The following RRP12 variants were observed in gnomAD, a reference collection of about 807,000 sequenced individuals.
The protein encoded by RRP12 is ribosomal RNA processing 12 homolog.
Under a neutral mutation model 157.3 loss-of-function variants are expected in RRP12, and 78 were observed. The observed-to-expected ratio is 0.50, with a 90% CI of 0.41 to 0.60. The LOEUF is 0.60. Ranked by LOEUF, RRP12 falls within the 20% of genes least tolerant of loss-of-function variation. The pLI is 0.00. For missense variants in RRP12, 1,521 were observed against 1,679.9 expected, an observed-to-expected ratio of 0.91 and a Z score of 1.65; for synonymous variants, 726 against 670.9, an observed-to-expected ratio of 1.08 and a Z score of -1.27.
chr10:97,394,985 A>G (rs1374018040), intron 3 of RRP12, among the ~76,000 whole-genome samples: 1 of 151,620 alleles, frequency 6.6e-6, no homozygotes, highest in Admixed American at 6.6e-5. Context: ...TCTACTAAAA[A>G]TACAAAAATT....
intron 29 of RRP12, among the ~76,000 whole-genome samples, chr10:97,364,199 T>C (rs1843913744): frequency 6.6e-6 from 1 of 152,136 alleles, no homozygotes; most frequent in Non-Finnish European, 1.5e-5. Flanking sequence ...CACCCACCCT[T>C]CATCTGTTTG....
intron 10 of RRP12, among the ~76,000 whole-genome samples, chr10:97,382,491 C>T (rs1203307316): frequency 6.6e-6 from 1 of 152,170 alleles, no homozygotes; most frequent in Non-Finnish European, 1.5e-5. Flanking sequence ...ACTGATATAA[C>T]ATACATTCAT....
At position 97,393,744 on chromosome 10, in the gene RRP12, G is replaced by C; in HGVS notation, c.470C>G (p.Ala157Gly). Residue 157 changes from alanine to glycine, a missense_variant, in exon 4 of 34, where the codon GCA (alanine) becomes GGA (glycine). Coordinates refer to ENST00000370992, the MANE Select transcript of RRP12 (RefSeq NM_015179.4). Reference sequence around the variant, plus strand: ...GGCCAGGGACTCCGGGGACTCCACTGCTTCCATTGTTGTCATCTGAGGGCC... The same window carrying C: ...GGCCAGGGACTCCGGGGACTCCACTCCTTCCATTGTTGTCATCTGAGGGCC... ...YFAALMTTMEAVESPESLAAV... is the reference protein window; with the variant it reads ...YFAALMTTMEGVESPESLAAV... The C allele has an allele frequency of 6.2e-7, 1 of 1,613,970 alleles. No individual in the cohort carries two copies. The highest frequency in any genetic ancestry group is 8.5e-7 in the Non-Finnish European group (1 of 1,179,948).
intron 6 of RRP12, among the ~76,000 whole-genome samples, chr10:97,389,278 A>G (rs1197042795): frequency 2.6e-5 from 4 of 152,076 alleles, no homozygotes; most frequent in Admixed American, 6.5e-5. Flanking sequence ...TATTTTTAGT[A>G]GAGACGGGGT....
At chr10:97,397,918 AAAAAGAAAAG>A (rs530846479) in intron 2 of RRP12, among the ~76,000 whole-genome samples, 4,275 of 145,596 alleles carry the variant, frequency 0.029, 108 homozygotes, top group Non-Finnish European at 0.048. Flanking sequence ...CTGTCTGAAA[AAAAAGAAAAG>A]AAAAGAAAAG....
Position 97,380,832 on chromosome 10 carries a change from C to T in RRP12, c.1500G>A (p.Ala500=), listed in dbSNP as rs537742721. 54 of 1,614,050 alleles carry T rather than the reference C, an allele frequency of 3.3e-5. No individual in the cohort carries two copies. The highest frequency in any genetic ancestry group is 6.7e-5 in the African/African-American group (5 of 75,050). Residue 500 remains alanine (A), a synonymous_variant, in exon 13 of 34, where the codon GCG becomes GCA. Transcript: ENST00000370992. ...TCACAGGGTGGGCCTGTCTCCCACACGCCTCGAAGAAGACACACAGCAGCT... is the reference window on the plus strand; with the variant it reads ...TCACAGGGTGGGCCTGTCTCCCACATGCCTCGAAGAAGACACACAGCAGCT... ...VLQLLCVFFE[A]CGRQAHPVMR... is the part of the protein sequence containing the mutation.
Position 97,393,680 on chromosome 10 carries a change from T to TC in RRP12, c.530+3dup, listed in dbSNP as rs1414274990. The TC allele has an allele frequency of 4.3e-6, 7 of 1,613,470 alleles. No homozygotes were observed. The Admixed American group carries it at 1.2e-4, about 27-fold the overall frequency. On this transcript the variant is annotated splice_donor_region_variant and intron_variant, in intron 4 of 33. Transcript: ENST00000370992. Reference sequence around the variant, plus strand: ...TTGGGGTTCAAACAGGAGGCAGAACTCACCGCTTCAGGACAAGGTTCAGCA... The same window carrying TC: ...TTGGGGTTCAAACAGGAGGCAGAACTCCACCGCTTCAGGACAAGGTTCAGCA...
At chr10:97,368,311 T>A (rs1844047305) in intron 25 of RRP12, among the ~76,000 whole-genome samples, 2 of 151,586 alleles carry the variant, frequency 1.3e-5, no homozygotes, top group Admixed American at 6.6e-5. Context: ...GGAATATAGG[T>A]GTGAGCCACC....
intron 15 of RRP12, among the ~76,000 whole-genome samples, chr10:97,378,456 T>C (rs914040771): frequency 2.0e-5 from 3 of 152,172 alleles, no homozygotes; most frequent in Non-Finnish European, 4.4e-5. Context: ...CACGTAAACA[T>C]TGAAAAGTAC....
chr10:97,379,356 C>T lies in RRP12; in HGVS notation c.1735G>A (p.Glu579Lys), dbSNP rs1368316156. The T allele has an allele frequency of 4.3e-6, 7 of 1,614,106 alleles. No individual in the cohort carries two copies. Among genetic ancestry groups the T allele is most frequent in the Admixed American group, 1.7e-5 (1 of 60,010 alleles). Reference protein sequence around the residue: ...LLPVIRDHVQETRLGFFTTYF... With the variant: ...LLPVIRDHVQKTRLGFFTTYF... ...GTGGTGAAAAAACCAAGTCGCGTTT[C>T]CTGAACATGGTCTCGGATGACAGGC... Residue 579 changes from glutamate to lysine, a missense_variant, in exon 15 of 34, where the codon GAA becomes AAA. Transcript: ENST00000370992.
intron 15 of RRP12, among the ~76,000 whole-genome samples, chr10:97,375,229 A>C (rs1244010515): frequency 6.6e-6 from 1 of 151,330 alleles, no homozygotes; most frequent in Non-Finnish European, 1.5e-5. Flanking sequence ...AAGTAGCTGG[A>C]ACTACAGGTG....
chr10:97,399,638 T>C (rs1176816590), intron 2 of RRP12, among the ~76,000 whole-genome samples: 1 of 151,844 alleles, frequency 6.6e-6, no homozygotes, highest in Non-Finnish European at 1.5e-5. Flanking sequence ...GCGGATTACC[T>C]GAGTTCAGGA....
chr10:97,387,750 G>C (rs1281354033), intron 8 of RRP12, among the ~76,000 whole-genome samples: 3 of 151,832 alleles, frequency 2.0e-5, no homozygotes, highest in Non-Finnish European at 2.9e-5. Flanking sequence ...AGACCAGCCT[G>C]ATCAACATGG....
rs1845136016 is a variant in RRP12 at position 97,401,147 on chromosome 10, C to A, written c.85G>T (p.Ala29Ser). The A allele has an allele frequency of 6.2e-7, 1 of 1,614,078 alleles. No individual in the cohort carries two copies. Among genetic ancestry groups the A allele is most frequent in the Admixed American group, 1.7e-5 (1 of 59,988 alleles). ...GCGGCCTGACGGTGGCGGCAGATGGCGGGGTTGCTGTCGCTGCTGTGGCCT... is the reference window on the plus strand; with the variant it reads ...GCGGCCTGACGGTGGCGGCAGATGGAGGGGTTGCTGTCGCTGCTGTGGCCT... The part of the protein sequence containing the change: ...KKGHSSDSNP[A>S]ICRHRQAARS... The change falls in exon 1 of 34, where the codon GCC (alanine) becomes TCC (serine). Residue 29 changes from alanine to serine, a missense_variant. Ala to Ser is a moderately conservative substitution (Grantham distance 99, BLOSUM62 1). Coordinates refer to ENST00000370992, the MANE Select transcript of RRP12 (RefSeq NM_015179.4).
At chr10:97,397,688 A>C (rs777845492) in intron 2 of RRP12, among the ~76,000 whole-genome samples, 1 of 151,788 alleles carries the variant, frequency 6.6e-6, no homozygotes, top group Non-Finnish European at 1.5e-5. Context: ...AGCAGGGCAC[A>C]ATGGCTCACA....
intron 31 of RRP12, 28 bp downstream of exon 31, chr10:97,360,518 T>C: frequency 6.4e-7 from 1 of 1,563,608 alleles, no homozygotes; most frequent in Non-Finnish European, 8.8e-7. Context: ...GATCCATGTG[T>C]CCCAGGAGAG....
chr10:97,400,215 G>T, intron 2 of RRP12, 90 bp downstream of exon 2: 1 of 919,842 alleles, frequency 1.1e-6, no homozygotes, highest in Non-Finnish European at 1.8e-6. Flanking sequence ...ACCAGCTGTT[G>T]TCATCGGAGA....
rs765414712 is a variant in RRP12 at position 97,401,272 on chromosome 10, C to A, written c.-41G>T. 1 of 1,611,416 alleles carries A rather than the reference C, an allele frequency of 6.2e-7. No homozygotes were observed. Among genetic ancestry groups the A allele is most frequent in the African/African-American group, 1.3e-5 (1 of 74,856 alleles). ...GCGAGGAATGAGCTTAAATGACCGG[C>A]TTCCAGGGACGTAGAAACACGCTCA... On this transcript the variant is annotated 5_prime_UTR_variant, in exon 1 of 34. Coordinates refer to ENST00000370992, the MANE Select transcript of RRP12 (RefSeq NM_015179.4).
chr10:97,393,669 G>A lies in RRP12; in HGVS notation c.530+15C>T, dbSNP rs759585514. On this transcript the variant is annotated intron_variant, in intron 4 of 33. Coordinates refer to ENST00000370992, the MANE Select transcript of RRP12 (RefSeq NM_015179.4). ...CACAAAAAGCCTTGGGGTTCAAACA[G>A]GAGGCAGAACTCACCGCTTCAGGAC... 1 of 1,611,514 alleles carries A rather than the reference G, an allele frequency of 6.2e-7. No homozygotes were observed. Among genetic ancestry groups the A allele is most frequent in the South Asian group, 1.1e-5 (1 of 91,004 alleles).
Sources: gnomAD v4.1 joint callset for allele counts (sites outside exome capture counted in the v4.1 genomes callset) on GRCh38, gnomAD v4.1.1 for gene constraint, MANE v1.5 for transcripts, NCBI Gene and HGNC (gene_info 2026-07-23, HGNC 2026-07-21) for gene names.